Variants in DDR2 observed in about 807,000 individuals in gnomAD.
The protein encoded by DDR2 is discoidin domain receptor tyrosine kinase 2.
DDR2 carries 27 observed loss-of-function variants against 94.9 expected under a neutral mutation model. That is an observed-to-expected ratio of 0.28 (90% CI 0.21 to 0.39). The LOEUF is 0.39. Among genes scored for constraint, DDR2 ranks in the 10% least tolerant of loss-of-function variants. The probability of loss-of-function intolerance (pLI) is 1.00; values close to 1 mark genes in which losing one functional copy is unlikely to be tolerated. For synonymous variants in DDR2, 382 were observed against 377.2 expected (o/e 1.01, Z -0.15); for missense variants, 783 against 1,076.0 (o/e 0.73, Z 3.81).
chr1:162,778,514 A>C, intron 16 of DDR2, 66 bp from the exon 17 acceptor site: 1 of 1,602,074 alleles, frequency 6.2e-7, no homozygotes, highest in South Asian at 1.1e-5. Flanking sequence ...GCAGATTATG[A>C]AATTTAACAG....
chr1:162,772,032 G>A lies in DDR2; in HGVS notation c.1513G>A (p.Gly505Ser), dbSNP rs115169993. 770 of 1,607,024 alleles carry A rather than the reference G, an allele frequency of 4.8e-4. 3 individuals carry two copies. In the African/African-American group the frequency reaches 9.1e-3, roughly 19 times the overall value. Residue 505 changes from glycine (G) to serine (S), a missense_variant, in exon 13 of 18, where the codon GGT (glycine) becomes AGT (serine). By Grantham distance (56) the Gly-to-Ser change is moderately conservative (BLOSUM62 0). Coordinates refer to ENST00000367921, the MANE Select transcript of DDR2 (RefSeq NM_006182.4). ...APGEEESGCSGVVKPVQPSGP... is the reference protein window; with the variant it reads ...APGEEESGCSSVVKPVQPSGP... ...TGCCCTTGTCTTCCCAGGCTGCAGC[G>A]GTGTTGTGAAGCCAGTCCAGCCCAG...
Position 162,761,420 on chromosome 1 carries a change from C to G in DDR2, c.1065C>G (p.Thr355=), listed in dbSNP as rs1663737737. The change falls in exon 9 of 18, where the codon ACC becomes ACG. Residue 355 remains threonine, a synonymous_variant. Coordinates refer to ENST00000367921, the MANE Select transcript of DDR2 (RefSeq NM_006182.4). ...AIKCQYHFAD[T]WMMFSEITFQ... ...AGTGTCAATACCATTTTGCAGATAC[C>G]TGGATGATGTTCAGTGAGATCACCT... 3 of 1,614,064 alleles carry G rather than the reference C, an allele frequency of 1.9e-6. No homozygotes were observed. Among genetic ancestry groups the G allele is most frequent in the South Asian group, 2.2e-5 (2 of 91,090 alleles).
chr1:162,709,714 G>A (rs958101969), intron 2 of DDR2, among the ~76,000 whole-genome samples: 28 of 152,260 alleles, frequency 1.8e-4, no homozygotes, highest in African/African-American at 6.0e-4. Context: ...GGTACGGTGG[G>A]AAAGAAAATG....
chr1:162,713,981 C>T (rs1661040867), intron 2 of DDR2, among the ~76,000 whole-genome samples: 1 of 152,096 alleles, frequency 6.6e-6, no homozygotes, highest in South Asian at 2.1e-4. Context: ...TATTATCACA[C>T]TTTAAAATTT....
At position 162,754,669 on chromosome 1, in the gene DDR2, A is replaced by T. The variant is rs1663368775; in HGVS notation, c.231A>T (p.Pro77=). ...EGDGAWCPEI[P]VEPDDLKEFL... ...ATGGAGCCTGGTGCCCTGAGATTCC[A>T]GTGGAACCTGATGACCTGAAGGAGT... is the stretch of plus-strand genomic sequence containing the variant. Residue 77 remains proline, a synonymous_variant, in exon 5 of 18, where the codon CCA becomes CCT. Coordinates refer to ENST00000367921, the MANE Select transcript of DDR2 (RefSeq NM_006182.4). 6.2e-7 allele frequency: 1 copy of T among 1,614,158 alleles called. No individual in the cohort carries two copies. The highest frequency in any genetic ancestry group is 8.5e-7 in the Non-Finnish European group (1 of 1,180,012).
At chr1:162,666,070 AC>A (rs1334442528) in intron 2 of DDR2, among the ~76,000 whole-genome samples, 2 of 152,160 alleles carry the variant, frequency 1.3e-5, no homozygotes, top group African/African-American at 4.8e-5. Context: ...AGGTTGAGAA[AC>A]TGTGTACCAA....
chr1:162,780,222 G>T lies in DDR2; in HGVS notation c.2544G>T (p.Leu848=). ...NRPSFQEIHL[L]LLQQGDE ...CCTCATTCCAAGAAATCCACCTTCT[G>T]CTCCTTCAACAAGGCGACGAGTGAT... Residue 848 remains leucine (L), a synonymous_variant, in exon 18 of 18, where the codon CTG becomes CTT. Transcript: ENST00000367921. 1 of 1,613,896 alleles carries T rather than the reference G, an allele frequency of 6.2e-7. No homozygotes were observed. Among genetic ancestry groups the T allele is most frequent in the Non-Finnish European group, 8.5e-7 (1 of 1,179,924 alleles).
At chr1:162,695,996 A>T (rs1660168035) in intron 2 of DDR2, among the ~76,000 whole-genome samples, 1 of 152,148 alleles carries the variant, frequency 6.6e-6, no homozygotes, top group Non-Finnish European at 1.5e-5. Context: ...ACTAGGTCCT[A>T]CTGGCTTATG....
chr1:162,752,961 G>C (rs749757394), intron 3 of DDR2, 134 bp from the exon 4 acceptor site: 19 of 742,112 alleles, frequency 2.6e-5, no homozygotes, highest in Middle Eastern at 7.8e-4. Context: ...GATCAAACTG[G>C]GGCCATAGAG....
At chr1:162,712,532 G>T (rs1660965943) in intron 2 of DDR2, among the ~76,000 whole-genome samples, 1 of 152,022 alleles carries the variant, frequency 6.6e-6, no homozygotes, top group Admixed American at 6.6e-5. Context: ...GTTTCCTGGT[G>T]GCTTTGACAC....
chr1:162,705,456 A>G (rs530716791), intron 2 of DDR2, among the ~76,000 whole-genome samples: 3 of 152,332 alleles, frequency 2.0e-5, no homozygotes, highest in South Asian at 2.1e-4. Flanking sequence ...TATTTAAAGC[A>G]GCCGAAGCTC....
At position 162,698,652 on chromosome 1, in the gene DDR2, C is replaced by A. The variant is rs76277844; in HGVS notation, c.-27-20385C>A. Among the ~76,000 whole-genome samples, 1,053 of 152,252 alleles carry A rather than the reference C, an allele frequency of 6.9e-3. 13 individuals are homozygous for A. Among genetic ancestry groups the A allele is most frequent in the East Asian group, 0.034 (175 of 5,166 alleles). ...CTAACTCCTGCTGTGTATAGGTGGG[C>A]ATGGCTCAAGCATCCTCAGGGCTGG... On this transcript the variant is annotated intron_variant, in intron 2 of 17. Coordinates refer to ENST00000367921, the MANE Select transcript of DDR2 (RefSeq NM_006182.4).
intron 3 of DDR2, among the ~76,000 whole-genome samples, chr1:162,748,566 A>C (rs1436611111): frequency 6.6e-6 from 1 of 152,236 alleles, no homozygotes; most frequent in Non-Finnish European, 1.5e-5. Flanking sequence ...GGAGATTTTA[A>C]CACCCCACTG....
At chr1:162,745,900 C>T (rs896319619) in intron 3 of DDR2, among the ~76,000 whole-genome samples, 3 of 152,084 alleles carry the variant, frequency 2.0e-5, no homozygotes, top group South Asian at 4.1e-4. Context: ...GTTGTGAATC[C>T]GTTTCAATTG....
rs1647873587 is a variant in DDR2 at position 162,780,980 on chromosome 1, G to C, written c.*734G>C. 6.6e-6 allele frequency: 1 copy of C among 151,966 alleles called. No homozygotes were observed. The allele number at this position is 151,966 out of a possible 1,614,324, so 9.4% of individuals were successfully genotyped here. ...CATTTACAAAAAAAAAGTACCTCAT[G>C]GATGGAAGGATTCATGAATAGATAA... On this transcript the variant is annotated 3_prime_UTR_variant, in exon 18 of 18. Transcript: ENST00000367921.
chr1:162,696,955 A>T (rs776101642), intron 2 of DDR2, among the ~76,000 whole-genome samples: 1 of 151,950 alleles, frequency 6.6e-6, no homozygotes. Flanking sequence ...CTCTGCTGAG[A>T]TTTCTATTAT....
rs1232116840 is a variant in DDR2, at chr1:162,766,004, C to A, written c.1103C>A (p.Ala368Asp). 5 of 1,613,892 alleles carry A rather than the reference C, an allele frequency of 3.1e-6. No homozygotes were observed. Among genetic ancestry groups the A allele is most frequent in the Non-Finnish European group, 4.2e-6 (5 of 1,179,980 alleles). ...ACTCACCCTTGTTTTATAACAGATG[C>A]TGCAATGTACAACAACTCTGAAGCC... ...MFSEITFQSD[A>D]AMYNNSEALP... is the part of the protein sequence containing the mutation. Residue 368 changes from alanine to aspartate, a missense_variant, in exon 10 of 18, where the codon GCT becomes GAT. Around this residue, in one of 2 missense-constraint regions of DDR2, gnomAD observed 519 missense variants for 647.9 expected, o/e 0.80. Coordinates refer to ENST00000367921, the MANE Select transcript of DDR2 (RefSeq NM_006182.4).
At chr1:162,634,313 C>A (rs964468798) in intron 1 of DDR2, among the ~76,000 whole-genome samples, 4 of 152,206 alleles carry the variant, frequency 2.6e-5, no homozygotes, top group Non-Finnish European at 5.9e-5. Context: ...TACTACTTAG[C>A]AAAGTTGCTT....
chr1:162,780,081 CTT>C (rs1401224323), intron 17 of DDR2, 29 bp from the exon 18 acceptor site: 6 of 1,613,080 alleles, frequency 3.7e-6, no homozygotes, highest in Non-Finnish European at 5.1e-6. Flanking sequence ...CTCTCTCTCT[CTT>C]TTGTTTTCCT....
Sources: gnomAD v4.1 joint callset for allele counts (sites outside exome capture counted in the v4.1 genomes callset) on GRCh38, gnomAD v4.1.1 for gene constraint, gnomAD v4.1.1 regional missense constraint, MANE v1.5 for transcripts, NCBI Gene and HGNC (gene_info 2026-07-23, HGNC 2026-07-21) for gene names.